Variants in NAV1 observed in about 807,000 individuals in gnomAD.
NAV1 encodes pore membrane and/or filament interacting like protein 3.
Under a neutral mutation model 175.2 loss-of-function variants are expected in NAV1, and 18 were observed. That is an observed-to-expected ratio of 0.10 (90% CI 0.07 to 0.15). The LOEUF (loss-of-function observed/expected upper bound fraction) is 0.15, where lower values mean the gene tolerates loss of function less well. Among genes scored for constraint, NAV1 ranks in the 10% least tolerant of loss-of-function variants. The pLI is 1.00. For missense variants in NAV1, 1,731 were observed against 2,436.6 expected (o/e 0.71, Z 6.10); for synonymous variants, 897 against 978.7 (o/e 0.92, Z 1.56).
intron 1 of NAV1, among the ~76,000 whole-genome samples, chr1:201,665,120 C>T (rs1213938403): frequency 6.6e-6 from 1 of 152,196 alleles, no homozygotes; most frequent in Admixed American, 6.5e-5. Context: ...CGTCCTCCCA[C>T]CCATGGTTCT....
At chr1:201,583,973 T>C (rs190644237) in intron 1 of NAV1, among the ~76,000 whole-genome samples, 21 of 152,360 alleles carry the variant, frequency 1.4e-4, no homozygotes, top group Admixed American at 1.1e-3. Flanking sequence ...CTTCGTCCTC[T>C]GAAAAATTAA....
At chr1:201,709,393 A>G (rs1671802530) in intron 1 of NAV1, among the ~76,000 whole-genome samples, 1 of 152,212 alleles carries the variant, frequency 6.6e-6, no homozygotes, top group Non-Finnish European at 1.5e-5. Flanking sequence ...AAGCTAAAAT[A>G]TAAAAATTCA....
At chr1:201,689,267 T>A (rs2102412954) in intron 1 of NAV1, among the ~76,000 whole-genome samples, 1 of 152,344 alleles carries the variant, frequency 6.6e-6, no homozygotes, top group South Asian at 2.1e-4. Context: ...AGGATACGAA[T>A]CCAATTATGA....
At chr1:201,675,805 C>T (rs1036029389) in intron 1 of NAV1, among the ~76,000 whole-genome samples, 10 of 152,190 alleles carry the variant, frequency 6.6e-5, no homozygotes, top group Admixed American at 3.9e-4. Context: ...CGAAGTTTGC[C>T]TATCTGGAAC....
intron 1 of NAV1, among the ~76,000 whole-genome samples, chr1:201,556,261 TA>T (rs1168718036): frequency 1.3e-5 from 2 of 151,500 alleles, no homozygotes; most frequent in Admixed American, 6.6e-5. Flanking sequence ...AAAATAAAAA[TA>T]AAAAAATTAG....
chr1:201,817,735 G>A (rs899012175), intron 29 of NAV1, among the ~76,000 whole-genome samples: 2 of 152,142 alleles, frequency 1.3e-5, no homozygotes, highest in African/African-American at 4.8e-5. Flanking sequence ...AAGTAGAGCA[G>A]TAGGGCACAC....
At chr1:201,642,700 CTCTTTCTT>C (rs1553247128) in intron 2 of NAV1, among the ~76,000 whole-genome samples, 3 of 139,870 alleles carry the variant, frequency 2.1e-5, no homozygotes, top group Admixed American at 1.4e-4. Context: ...TTTCTTCTCT[CTCTTTCTT>C]TCTTTCTTTC....
chr1:201,688,686 G>A (rs1670779115), intron 1 of NAV1, among the ~76,000 whole-genome samples: 1 of 152,156 alleles, frequency 6.6e-6, no homozygotes, highest in Non-Finnish European at 1.5e-5. Flanking sequence ...GAGAGCCAAC[G>A]TAATTAGTCC....
chr1:201,813,981 C>G lies in NAV1; in HGVS notation c.5340+723C>G, dbSNP rs1397517043. Among the ~76,000 whole-genome samples the G allele has an allele frequency of 1.3e-5, 2 of 152,066 alleles. No homozygotes were observed. Among genetic ancestry groups the G allele is most frequent in the Admixed American group, 1.3e-4 (2 of 15,272 alleles). On this transcript the variant is annotated intron_variant, in intron 28 of 29. Transcript: ENST00000367296. The surrounding 1 kb of genome is among the most constrained non-coding windows in gnomAD (Gnocchi z 4.2). ...CTGAGGCAGGAGAATGGCGTGAACT[C>G]GGGAGGCAAGAGCTTGCAGTGAGCT...
At chr1:201,607,115 C>CTTTTT (rs914962230) in intron 2 of NAV1, among the ~76,000 whole-genome samples, 1 of 130,282 alleles carries the variant, frequency 7.7e-6, no homozygotes, top group African/African-American at 2.9e-5. Flanking sequence ...TAATTTTTTT[C>CTTTTT]TTTTTTTTTT....
intron 1 of NAV1, among the ~76,000 whole-genome samples, chr1:201,695,419 G>T (rs1671149007): frequency 6.6e-6 from 1 of 152,224 alleles, no homozygotes; most frequent in African/African-American, 2.4e-5. Context: ...GAGGGCTCCA[G>T]CCATGCTGGG....
At position 201,807,048 on chromosome 1, in the gene NAV1, GTA is replaced by G. The variant is rs2102802814; in HGVS notation, c.3649-903_3649-902del. On this transcript the variant is annotated intron_variant, in intron 17 of 29. Transcript: ENST00000367296. The surrounding 1 kb of genome is among the most constrained non-coding windows in gnomAD (Gnocchi z 5.4). ...TATCTGTGTCCCTGTGTGTGTGTGT[GTA>G]TGTGTGTGTGTGGTGTGTGGTGTGT... 6.6e-6 allele frequency among the ~76,000 whole-genome samples: 1 copy of G among 152,034 alleles called. No homozygotes were observed. The highest frequency in any genetic ancestry group is 2.4e-5 in the African/African-American group (1 of 41,468).
At chr1:201,746,737 G>A (rs888403395) in intron 3 of NAV1, among the ~76,000 whole-genome samples, 45 of 152,154 alleles carry the variant, frequency 3.0e-4, no homozygotes, top group African/African-American at 1.0e-3. Flanking sequence ...GCAGTGTCTC[G>A]TGCCTGTAAT....
At chr1:201,569,545 C>CT (rs1167034958) in intron 1 of NAV1, among the ~76,000 whole-genome samples, 1 of 152,236 alleles carries the variant, frequency 6.6e-6, no homozygotes, top group African/African-American at 2.4e-5. Flanking sequence ...AGCCATCTTT[C>CT]TGCCATCCTT....
intron 1 of NAV1, among the ~76,000 whole-genome samples, chr1:201,571,616 G>A (rs1666545987): frequency 6.6e-6 from 1 of 152,234 alleles, no homozygotes; most frequent in Non-Finnish European, 1.5e-5. Flanking sequence ...GTGCCCAGCA[G>A]AACTGCAAGG....
At chr1:201,700,791 C>T (rs530367841) in intron 1 of NAV1, among the ~76,000 whole-genome samples, 203 of 152,072 alleles carry the variant, frequency 1.3e-3, no homozygotes, top group African/African-American at 4.6e-3. Flanking sequence ...GCGGGTGGAT[C>T]ACGAGGTCAG....
chr1:201,744,162 C>T lies in NAV1; in HGVS notation c.1226+25407C>T, dbSNP rs148649862. The stretch of plus-strand genomic sequence containing the variant: ...CCTCCCAAAGTGCTGGGATTACAGG[C>T]ATGAGCCACCACACCCGGTCAAAAC... On this transcript the variant is annotated intron_variant, in intron 3 of 29. Transcript: ENST00000367296. Among the ~76,000 whole-genome samples the T allele has an allele frequency of 9.1e-3, 1,392 of 152,304 alleles. 23 individuals are homozygous for T. The highest frequency in any genetic ancestry group is 0.032 in the African/African-American group (1,314 of 41,558).
chr1:201,717,498 C>T (rs1220209985), intron 2 of NAV1, among the ~76,000 whole-genome samples: 1 of 152,214 alleles, frequency 6.6e-6, no homozygotes, highest in African/African-American at 2.4e-5. Context: ...CTCTGCAGCC[C>T]GCCTGGCCCT....
At chr1:201,588,044 T>C (rs1667084170) in intron 1 of NAV1, among the ~76,000 whole-genome samples, 1 of 152,200 alleles carries the variant, frequency 6.6e-6, no homozygotes, top group African/African-American at 2.4e-5. Flanking sequence ...GAGATACACT[T>C]GAGCCAGCAA....
Sources: gnomAD v4.1 joint callset for allele counts (sites outside exome capture counted in the v4.1 genomes callset) on GRCh38, gnomAD v4.1.1 for gene constraint, Gnocchi (gnomAD v3.1) non-coding constraint, MANE v1.5 for transcripts, NCBI Gene and HGNC (gene_info 2026-07-23, HGNC 2026-07-21) for gene names.